The following ELP1 variants were observed in gnomAD, a reference collection of about 807,000 sequenced individuals.
ELP1 encodes elongator complex protein 1.
ELP1 carries 131 observed loss-of-function variants against 183.2 expected under a neutral mutation model. That is an observed-to-expected ratio of 0.72 (90% confidence interval 0.62 to 0.83). ELP1 has a LOEUF of 0.83. ELP1 is among the 40% of genes least tolerant of loss of function. The pLI, the probability that ELP1 is intolerant of heterozygous loss-of-function variation, is 0.00. For missense variants in ELP1, 1,550 were observed against 1,594.9 expected (o/e 0.97, Z 0.48); for synonymous variants, 555 against 569.0 (o/e 0.98, Z 0.35).
intron 35 of ELP1, chr9:108,875,726 C>T (rs1461908769): frequency 7.0e-6 from 3 of 428,256 alleles, no homozygotes; most frequent in African/African-American, 4.1e-5. Flanking sequence ...AAGACTCCCT[C>T]TCCCCATGTC....
rs1445991549 is a variant in ELP1 at position 108,912,267 on chromosome 9, C to A, written c.1186G>T (p.Gly396Ter). ...GACACACTTCCCAGGAGCTTACTTC[C>A]ATCAATGACAGCCACATTGGACAAG... Reference protein sequence around the residue: ...SDLSNVAVIDGNRVLVTVFRQ... With the variant: ...SDLSNVAVID The change falls in exon 11 of 37, where the codon GGA becomes TGA. Residue 396 changes from glycine to a stop codon, truncating the protein, a stop_gained. Transcript: ENST00000374647. LOFTEE classifies it high-confidence loss of function. The A allele has an allele frequency of 1.2e-6, 2 of 1,613,344 alleles. No individual in the cohort carries two copies. The highest frequency in any genetic ancestry group is 2.7e-5 in the African/African-American group (2 of 74,930).
intron 35 of ELP1, 53 bp from the exon 36 acceptor site, chr9:108,875,023 T>C: frequency 7.8e-7 from 1 of 1,280,096 alleles, no homozygotes; most frequent in South Asian, 1.2e-5. Context: ...TTCTCAAGAC[T>C]GCCAATACCA....
At chr9:108,892,892 G>C in intron 27 of ELP1, 94 bp downstream of exon 27, 1 of 859,636 alleles carries the variant, frequency 1.2e-6, no homozygotes, top group Non-Finnish European at 2.0e-6. Flanking sequence ...AAATTTTGAA[G>C]CCAAGGATGG....
At chr9:108,873,996 G>A (rs1187027478) in intron 36 of ELP1, among the ~76,000 whole-genome samples, 1 of 152,190 alleles carries the variant, frequency 6.6e-6, no homozygotes, top group Admixed American at 6.5e-5. Flanking sequence ...TATGAGTTTA[G>A]CTGGGATGGA....
Position 108,922,931 on chromosome 9 carries a change from C to G in ELP1, c.467-4G>C. On this transcript the variant is annotated splice_region_variant and splice_polypyrimidine_tract_variant and intron_variant, in intron 5 of 36. Coordinates refer to ENST00000374647, the MANE Select transcript of ELP1 (RefSeq NM_003640.5). ...CATCCAACAGTGATAAACTTGCCTA[C>G]AGAACAATTGGCAAGACAACTAATA... The G allele has an allele frequency of 6.2e-7, 1 of 1,607,280 alleles. No individual in the cohort carries two copies. The highest frequency in any genetic ancestry group is 8.5e-7 in the Non-Finnish European group (1 of 1,173,740).
chr9:108,929,958 C>T, intron 2 of ELP1, 37 bp from the exon 3 acceptor site: 2 of 1,606,686 alleles, frequency 1.2e-6, no homozygotes, highest in Non-Finnish European at 1.7e-6. Context: ...TTAACCCAGT[C>T]TACTTTCAAG....
At chr9:108,875,857 T>C (rs1396651570) in intron 35 of ELP1, 5 of 254,666 alleles carry the variant, frequency 2.0e-5, no homozygotes, top group African/African-American at 6.9e-5. Context: ...CAAGCCATGA[T>C]TGATCATACT....
intron 29 of ELP1, among the ~76,000 whole-genome samples, chr9:108,885,161 G>C (rs544506636): frequency 2.8e-4 from 42 of 151,442 alleles, no homozygotes; most frequent in Admixed American, 4.6e-4. Flanking sequence ...GAAAAATAAA[G>C]AGCAAATAAA....
At position 108,900,383 on chromosome 9, in the gene ELP1, C is replaced by T; in HGVS notation, c.2015-8G>A. ...TCAGGCCGGCCTGTAATGCTAAACA[C>T]ACCATTAACTAATAAGCCTTAATTA... On this transcript the variant is annotated splice_region_variant and splice_polypyrimidine_tract_variant and intron_variant, in intron 18 of 36. Coordinates refer to ENST00000374647, the MANE Select transcript of ELP1 (RefSeq NM_003640.5). 1 of 1,594,748 alleles carries T rather than the reference C, an allele frequency of 6.3e-7. No individual in the cohort carries two copies. Among genetic ancestry groups the T allele is most frequent in the Non-Finnish European group, 8.6e-7 (1 of 1,162,426 alleles).
chr9:108,899,988 TACCAC>T, intron 19 of ELP1, 93 bp from the exon 20 acceptor site: 1 of 991,376 alleles, frequency 1.0e-6, no homozygotes, highest in Non-Finnish European at 1.6e-6. Context: ...CACAGAGAAT[TACCAC>T]AACTCTCTAA....
intron 36 of ELP1, among the ~76,000 whole-genome samples, chr9:108,870,969 ATT>A (rs33952302): frequency 0.092 from 7,675 of 83,234 alleles, 111 homozygotes; most frequent in African/African-American, 0.21. Context: ...TTCATGCACC[ATT>A]TTTTTTTTTT....
chr9:108,929,690 A>T, intron 3 of ELP1, 79 bp downstream of exon 3: 2 of 1,450,054 alleles, frequency 1.4e-6, no homozygotes, highest in South Asian at 2.3e-5. Context: ...ATGGCTACTG[A>T]TTTGAAAACT....
chr9:108,886,039 A>G (rs990733638), intron 29 of ELP1, among the ~76,000 whole-genome samples: 1 of 152,240 alleles, frequency 6.6e-6, no homozygotes, highest in South Asian at 2.1e-4. Flanking sequence ...TGAAAGTGCC[A>G]GGACTCTCAA....
Position 108,882,082 on chromosome 9 carries a change from TCTG to T in ELP1, c.3285+40_3285+42del, listed in dbSNP as rs1461159358. 4 of 1,547,228 alleles carry T rather than the reference TCTG, an allele frequency of 2.6e-6. No homozygotes were observed. The South Asian group carries it at 4.5e-5, about 17-fold the overall frequency. ...GACCTGGAATCCCTTGCTTGCTCTC[TCTG>T]CTTAGCACCCAACATCCAGAGGATT... is the stretch of plus-strand genomic sequence containing the variant. On this transcript the variant is annotated intron_variant, in intron 30 of 36. Coordinates refer to ENST00000374647, the MANE Select transcript of ELP1 (RefSeq NM_003640.5).
At chr9:108,872,276 T>C (rs75285978) in intron 36 of ELP1, among the ~76,000 whole-genome samples, 252 of 152,316 alleles carry the variant, frequency 1.7e-3, no homozygotes, top group African/African-American at 5.1e-3. Flanking sequence ...CTCACCACAA[T>C]AGCAACAGGA....
intron 36 of ELP1, among the ~76,000 whole-genome samples, chr9:108,874,472 A>G (rs938385573): frequency 1.3e-5 from 2 of 152,214 alleles, no homozygotes; most frequent in East Asian, 3.8e-4. Flanking sequence ...TCCTAAACAT[A>G]ATAAAAAGGT....
chr9:108,878,410 TA>T (rs1183458186), intron 34 of ELP1, among the ~76,000 whole-genome samples: 2 of 152,188 alleles, frequency 1.3e-5, no homozygotes, highest in Non-Finnish European at 2.9e-5. Context: ...CCAGTTCAGT[TA>T]GGGGGATGCC....
intron 1 of ELP1, 36 bp from the exon 2 acceptor site, chr9:108,931,237 G>A: frequency 8.3e-7 from 1 of 1,211,958 alleles, no homozygotes; most frequent in Admixed American, 1.7e-5. Context: ...AGTGATAAAT[G>A]ACCATATTTA....
rs1291582004 is a variant in ELP1, at chr9:108,916,278, T to C, written c.884A>G (p.Asn295Ser). ...GACTGCAAGCACAGAGGAATCTGCA[T>C]TCCAGAGCAAGTCATTTACCTAGAA... ...DEVKVNDLLW[N>S]ADSSVLAVWL... Residue 295 changes from asparagine to serine, a missense_variant, in exon 10 of 37, where the codon AAT becomes AGT. Coordinates refer to ENST00000374647, the MANE Select transcript of ELP1 (RefSeq NM_003640.5). The C allele has an allele frequency of 1.9e-6, 3 of 1,614,038 alleles. No individual in the cohort carries two copies. The highest frequency in any genetic ancestry group is 2.2e-5 in the South Asian group (2 of 91,092).
Sources: allele counts gnomAD v4.1 joint callset (sites outside exome capture counted in the v4.1 genomes callset), GRCh38; gene constraint gnomAD v4.1.1; transcripts MANE v1.5; gene names NCBI Gene and HGNC (gene_info 2026-07-23, HGNC 2026-07-21).